ZNF77: variants seen among roughly 807,000 people sequenced by gnomAD.
The protein encoded by ZNF77 is ZNFpT1.
In ZNF77, 15 loss-of-function variants were observed where a neutral mutation model predicts 13.5. That is an observed-to-expected ratio of 1.11 (90% CI 0.74 to 1.71). The LOEUF (loss-of-function observed/expected upper bound fraction) is 1.71. Among genes scored for constraint, ZNF77 ranks in the 40% most tolerant of loss-of-function variants. The pLI is 0.00. For synonymous variants in ZNF77, 282 were observed against 250.0 expected (o/e 1.13, Z -1.21); for missense variants, 717 against 676.4 (o/e 1.06, Z -0.67).
chr19:2,942,646 C>T (rs988169718), intron 1 of ZNF77, among the ~76,000 whole-genome samples: 9 of 152,122 alleles, frequency 5.9e-5, no homozygotes, highest in African/African-American at 1.9e-4. Context: ...CAGCTCTGTG[C>T]TCCTGGAAAC....
In ZNF77 at chr19:2,934,811, G is replaced by T. The variant is rs113047444; in HGVS notation, c.316C>A (p.Gln106Lys). 29 of 1,600,454 alleles carry T rather than the reference G, an allele frequency of 1.8e-5. 3 individuals carry two copies. In the African/African-American group the frequency reaches 2.0e-4, roughly 11 times the overall value. ...TTACTTTCACAGAGTCTCCCCAGCT[G>T]ACTTCTGTTCAAAATGGGAAGCAAG... is the stretch of plus-strand genomic sequence containing the variant. ...HQIPQRHLRS[Q>K]LGRLCESNEG... Residue 106 changes from glutamine (Q) to lysine (K), a missense_variant, in exon 4 of 4, where the codon CAG becomes AAG. Physicochemically the swap from Gln to Lys is moderately conservative, Grantham distance 53. Coordinates refer to ENST00000314531, the MANE Select transcript of ZNF77 (RefSeq NM_021217.3).
intron 1 of ZNF77, among the ~76,000 whole-genome samples, chr19:2,942,365 C>T (rs1011433489): frequency 8.2e-5 from 11 of 134,252 alleles, no homozygotes; most frequent in East Asian, 2.1e-4. Context: ...CCACCGCGCC[C>T]GGCTCTTTTT....
chr19:2,933,649 T>G lies in ZNF77; in HGVS notation c.1478A>C (p.Glu493Ala). The G allele has an allele frequency of 1.2e-6, 2 of 1,613,872 alleles. No individual in the cohort carries two copies. The highest frequency in any genetic ancestry group is 1.7e-6 in the Non-Finnish European group (2 of 1,179,820). The change falls in exon 4 of 4, where the codon GAA becomes GCA. Residue 493 changes from glutamate to alanine, a missense_variant. By Grantham distance (107) the Glu-to-Ala change is moderately radical. Transcript: ENST00000314531. ...VRSHSGVKPY[E>A]CTECGKAYSC... The stretch of plus-strand genomic sequence containing the variant: ...GTAGGCTTTCCCACATTCAGTACAT[T>G]CGTAGGGTTTGACCCCACTGTGTGA...
chr19:2,940,887 A>G (rs1345972601), intron 1 of ZNF77, among the ~76,000 whole-genome samples: 5 of 152,032 alleles, frequency 3.3e-5, no homozygotes, highest in East Asian at 1.9e-4. Context: ...ATAAAATGCT[A>G]TCAGCAGCTG....
In ZNF77 at chr19:2,934,351, AC is replaced by A; in HGVS notation, c.775del (p.Val259Ter). 6.2e-7 allele frequency: 1 copy of A among 1,614,180 alleles called. No individual in the cohort carries two copies. The highest frequency in any genetic ancestry group is 8.5e-7 in the Non-Finnish European group (1 of 1,180,038). ...GGGTTTCTCTCCTGTGTGAGTTCTTACGTGCCGTGTAAGGTAGGAGTAATAC... is the reference window on the plus strand; with the variant it reads ...GGGTTTCTCTCCTGTGTGAGTTCTTAGTGCCGTGTAAGGTAGGAGTAATAC... ...FMYYSYLTRH[V>X]RTHTGEKPYE... is the part of the protein sequence containing the mutation. On this transcript the variant is annotated frameshift_variant, in exon 4 of 4. Transcript: ENST00000314531. LOFTEE classifies it low-confidence loss of function (END_TRUNC).
chr19:2,939,375 G>C lies in ZNF77; in HGVS notation c.36C>G (p.Asn12Lys). Residue 12 changes from asparagine (N) to lysine (K), a missense_variant, in exon 2 of 4, where the codon AAC becomes AAG. Coordinates refer to ENST00000314531, the MANE Select transcript of ZNF77 (RefSeq NM_021217.3). ...DCVIFEEVAV[N>K]FTPEEWALLD... ...GCAATGCCCACTCTTCTGGGGTGAA[G>C]TTCACAGCCACTTCCTCAAAGATCA... 1 of 1,614,180 alleles carries C rather than the reference G, an allele frequency of 6.2e-7. No homozygotes were observed. The highest frequency in any genetic ancestry group is 8.5e-7 in the Non-Finnish European group (1 of 1,180,014).
Position 2,934,009 on chromosome 19 carries a change from ATTCT to A in ZNF77, c.1114_1117del (p.Arg372CysfsTer27). The stretch of plus-strand genomic sequence containing the variant: ...CACATAGGGCTTCTCTCCGGTGTGC[ATTCT>A]CATGTGTGCTCGCAGAGAGGAGGGG... On this transcript the variant is annotated frameshift_variant, in exon 4 of 4. Coordinates refer to ENST00000314531, the MANE Select transcript of ZNF77 (RefSeq NM_021217.3). LOFTEE classifies it low-confidence loss of function (END_TRUNC). 6.2e-7 allele frequency: 1 copy of A among 1,614,034 alleles called. No individual in the cohort carries two copies. Among genetic ancestry groups the A allele is most frequent in the Non-Finnish European group, 8.5e-7 (1 of 1,180,004 alleles).
Position 2,934,210 on chromosome 19 carries a change from CTGAA to C in ZNF77, c.913_916del (p.Phe305AlafsTer10). On this transcript the variant is annotated frameshift_variant, in exon 4 of 4. Coordinates refer to ENST00000314531, the MANE Select transcript of ZNF77 (RefSeq NM_021217.3). LOFTEE classifies it low-confidence loss of function (END_TRUNC). The stretch of plus-strand genomic sequence containing the variant: ...GTGATCTCTAAAGGAGGAGTAACAG[CTGAA>C]TGATTTTCCACAATGCTTACATTCA... 2.5e-6 allele frequency: 4 copies of C among 1,614,150 alleles called. No individual in the cohort carries two copies. Among genetic ancestry groups the C allele is most frequent in the Non-Finnish European group, 3.4e-6 (4 of 1,180,026 alleles).
intron 3 of ZNF77, among the ~76,000 whole-genome samples, chr19:2,935,018 TTTC>T (rs1429158317): frequency 6.6e-6 from 1 of 152,148 alleles, no homozygotes; most frequent in Non-Finnish European, 1.5e-5. Flanking sequence ...TTTCACGGTG[TTTC>T]TTTTCTTCTT....
chr19:2,936,041 AAAAAT>A (rs1297035746), intron 3 of ZNF77, among the ~76,000 whole-genome samples: 54 of 151,334 alleles, frequency 3.6e-4, no homozygotes, highest in Admixed American at 2.1e-3. Flanking sequence ...TAAATAAAAT[AAAAAT>A]AAAATAAAAT....
intron 3 of ZNF77, 47 bp from the exon 4 acceptor site, chr19:2,934,862 G>T: frequency 6.5e-7 from 1 of 1,530,996 alleles, no homozygotes; most frequent in Non-Finnish European, 8.8e-7. Context: ...GACTATAAGT[G>T]ATTAATTTAT....
rs191514151 is a variant in ZNF77, at chr19:2,937,256, G to A, written c.131-552C>T. ...CCCTGCACTTTGGGAGGCCGAAGCG[G>A]GTGGATCACCTGAGGTCAGGAGTTC... On this transcript the variant is annotated intron_variant, in intron 2 of 3. Transcript: ENST00000314531. 2.0e-3 allele frequency among the ~76,000 whole-genome samples: 305 copies of A among 152,212 alleles called. 2 individuals are homozygous for A. Among genetic ancestry groups the A allele is most frequent in the African/African-American group, 7.1e-3 (295 of 41,524 alleles).
intron 2 of ZNF77, among the ~76,000 whole-genome samples, chr19:2,937,015 T>C (rs1568192876): frequency 6.6e-6 from 1 of 151,914 alleles, no homozygotes. Flanking sequence ...AGACCTCATC[T>C]CTAAACAACA....
At chr19:2,936,099 TAAAG>T (rs67272445) in intron 3 of ZNF77, among the ~76,000 whole-genome samples, 136,561 of 151,026 alleles carry the variant, frequency 0.9, 62,226 homozygotes, top group Middle Eastern at 0.95. Flanking sequence ...AAAGAGAAAA[TAAAG>T]AAAAAGAAAA....
chr19:2,940,240 T>G (rs959891422), intron 1 of ZNF77, among the ~76,000 whole-genome samples: 2 of 151,992 alleles, frequency 1.3e-5, no homozygotes, highest in African/African-American at 4.8e-5. Context: ...ATTTAGGATA[T>G]TGGCCAGGTG....
Position 2,936,576 on chromosome 19 carries a change from A to G in ZNF77, c.259T>C (p.Trp87Arg), listed in dbSNP as rs763654803. Residue 87 changes from tryptophan (W) to arginine (R), a missense_variant, in exon 3 of 4, where the codon TGG becomes CGG. By Grantham distance (101) the Trp-to-Arg change is moderately radical. Transcript: ENST00000314531. The stretch of plus-strand genomic sequence containing the variant: ...TGATCTCCAGTGTTATCAAATCTCC[A>G]ATTTTCTCCAAAAATAGACCAGGAA... ...SDSWSIFGEN[W>R]RFDNTGDQHQ... The G allele has an allele frequency of 4.3e-6, 7 of 1,611,550 alleles. No individual in the cohort carries two copies. Among genetic ancestry groups the G allele is most frequent in the Non-Finnish European group, 5.9e-6 (7 of 1,179,372 alleles).
chr19:2,938,443 A>G (rs1278129620), intron 2 of ZNF77, among the ~76,000 whole-genome samples: 1 of 152,234 alleles, frequency 6.6e-6, no homozygotes, highest in Non-Finnish European at 1.5e-5. Context: ...GTGAACCACA[A>G]AGCTGCTTTT....
At position 2,933,734 on chromosome 19, in the gene ZNF77, C is replaced by A. The variant is rs755151440; in HGVS notation, c.1393G>T (p.Glu465Ter). ...VRTHSGEKPY[E>*]CNQCGKAFSH... is the part of the protein sequence containing the mutation. Reference sequence around the variant, plus strand: ...AAGGCTTTCCCACATTGATTACATTCGTACGGTTTCTCTCCGCTGTGGGTT... The same window carrying A: ...AAGGCTTTCCCACATTGATTACATTAGTACGGTTTCTCTCCGCTGTGGGTT... The change falls in exon 4 of 4, where the codon GAA becomes TAA. Residue 465 changes from glutamate to a stop codon, truncating the protein, a stop_gained. Coordinates refer to ENST00000314531, the MANE Select transcript of ZNF77 (RefSeq NM_021217.3). LOFTEE classifies it low-confidence loss of function (END_TRUNC). 4.3e-6 allele frequency: 7 copies of A among 1,612,304 alleles called. No homozygotes were observed. In the Admixed American group the frequency reaches 1.2e-4, roughly 27 times the overall value.
intron 1 of ZNF77, among the ~76,000 whole-genome samples, chr19:2,941,350 T>A (rs371487408): frequency 6.6e-6 from 1 of 151,876 alleles, no homozygotes; most frequent in African/African-American, 2.4e-5. Flanking sequence ...TGGTGGTGCA[T>A]GCCTGTAATC....
Sources: allele counts gnomAD v4.1 joint callset (sites outside exome capture counted in the v4.1 genomes callset), GRCh38; gene constraint gnomAD v4.1.1; transcripts MANE v1.5; gene names NCBI Gene and HGNC (gene_info 2026-07-23, HGNC 2026-07-21).